C1orf21: variants seen among roughly 807,000 people sequenced by gnomAD.
C1orf21 encodes the protein chromosome 1 open reading frame 21.
Under a neutral mutation model 18.7 loss-of-function variants are expected in C1orf21, and 3 were observed. The ratio of observed to expected loss-of-function variants is 0.16; its 90% confidence interval spans 0.07 to 0.42. The LOEUF (loss-of-function observed/expected upper bound fraction) is 0.42. Among genes scored for constraint, C1orf21 ranks in the 10% least tolerant of loss-of-function variants. The pLI, the probability that C1orf21 is intolerant of heterozygous loss-of-function variation, is 0.99. For synonymous variants in C1orf21, 41 were observed against 46.4 expected, an observed-to-expected ratio of 0.88 and a Z score of 0.47; for missense variants, 104 against 143.6, an observed-to-expected ratio of 0.72 and a Z score of 1.41.
chr1:184,516,498 A>G (rs1658230669), intron 3 of C1orf21, among the ~76,000 whole-genome samples: 1 of 152,174 alleles, frequency 6.6e-6, no homozygotes, highest in Non-Finnish European at 1.5e-5. Flanking sequence ...GACATACCCA[A>G]TACTGGGCAA....
At chr1:184,608,807 A>G (rs1357717617) in intron 5 of C1orf21, among the ~76,000 whole-genome samples, 1 of 152,174 alleles carries the variant, frequency 6.6e-6, no homozygotes, top group Non-Finnish European at 1.5e-5. Flanking sequence ...TCTGGGGTGC[A>G]TGCAGGTTGG....
At chr1:184,466,872 G>C (rs1409745498) in intron 1 of C1orf21, among the ~76,000 whole-genome samples, 2 of 151,980 alleles carry the variant, frequency 1.3e-5, no homozygotes, top group African/African-American at 4.8e-5. Context: ...GAATGTTGAG[G>C]ACTAAGCAGG....
intron 5 of C1orf21, among the ~76,000 whole-genome samples, chr1:184,604,722 C>G (rs1304740502): frequency 6.6e-6 from 1 of 152,124 alleles, no homozygotes; most frequent in Non-Finnish European, 1.5e-5. Flanking sequence ...GTGTAGGAAC[C>G]ACTGGTGAAG....
At position 184,627,889 on chromosome 1, in the gene C1orf21, G is replaced by A. The variant is rs1660043743; in HGVS notation, c.*8333G>A. The A allele has an allele frequency of 6.6e-6, 1 of 152,198 alleles. No homozygotes were observed. Among genetic ancestry groups the A allele is most frequent in the South Asian group, 2.1e-4 (1 of 4,830 alleles). The allele number at this position is 152,198 out of a possible 1,614,324, so 9.4% of individuals were successfully genotyped here. ...CCAAGTTTACCTCTCCCCATTTTCT[G>A]CCCTGGCCCACTTCCCACTCACCTC... is the stretch of plus-strand genomic sequence containing the variant. On this transcript the variant is annotated 3_prime_UTR_variant, in exon 6 of 6. Transcript: ENST00000235307.
chr1:184,607,680 T>TAC (rs1176326011), intron 5 of C1orf21, among the ~76,000 whole-genome samples: 1 of 150,946 alleles, frequency 6.6e-6, no homozygotes, highest in Non-Finnish European at 1.5e-5. Flanking sequence ...TGTATATATA[T>TAC]ACATATATGT....
intron 1 of C1orf21, among the ~76,000 whole-genome samples, chr1:184,444,515 C>T (rs1656999158): frequency 6.6e-6 from 1 of 152,080 alleles, no homozygotes; most frequent in Non-Finnish European, 1.5e-5. Flanking sequence ...CCTCCCCAGC[C>T]ATGTGGAACT....
chr1:184,604,164 C>A (rs1170348229), intron 5 of C1orf21, among the ~76,000 whole-genome samples: 1 of 152,104 alleles, frequency 6.6e-6, no homozygotes, highest in Non-Finnish European at 1.5e-5. Flanking sequence ...GTTACAGAAC[C>A]AAATATAATT....
chr1:184,601,346 C>G (rs1005830136), intron 5 of C1orf21, among the ~76,000 whole-genome samples: 1 of 152,292 alleles, frequency 6.6e-6, no homozygotes, highest in African/African-American at 2.4e-5. Context: ...ACCTTCTAAC[C>G]TAATTTGTTA....
intron 1 of C1orf21, among the ~76,000 whole-genome samples, chr1:184,419,308 A>G (rs1656509140): frequency 6.6e-6 from 1 of 152,234 alleles, no homozygotes; most frequent in Non-Finnish European, 1.5e-5. Context: ...AATTTTCACT[A>G]AACGGTGGCA....
chr1:184,451,217 C>T (rs1033106791), intron 1 of C1orf21, among the ~76,000 whole-genome samples: 1 of 152,028 alleles, frequency 6.6e-6, no homozygotes, highest in Non-Finnish European at 1.5e-5. Context: ...TTTAAATGGA[C>T]CATATAAAAA....
chr1:184,602,245 G>A (rs1157800160), intron 5 of C1orf21, among the ~76,000 whole-genome samples: 2 of 152,114 alleles, frequency 1.3e-5, no homozygotes, highest in Non-Finnish European at 2.9e-5. Context: ...CAGGGATTTG[G>A]GACTTGGTAC....
intron 3 of C1orf21, among the ~76,000 whole-genome samples, chr1:184,524,708 T>A (rs1302897789): frequency 1.3e-5 from 2 of 152,066 alleles, no homozygotes; most frequent in Admixed American, 1.3e-4. Context: ...AGCTGGACAG[T>A]ATAGCTTCAC....
intron 3 of C1orf21, 114 bp downstream of exon 3, chr1:184,507,796 C>G: frequency 1.2e-6 from 1 of 826,686 alleles, no homozygotes; most frequent in Non-Finnish European, 1.8e-6. Flanking sequence ...CTTGAAAATG[C>G]TGCAGCTATT....
intron 4 of C1orf21, among the ~76,000 whole-genome samples, chr1:184,597,278 T>G (rs1010426964): frequency 2.6e-5 from 4 of 152,218 alleles, no homozygotes; most frequent in African/African-American, 9.6e-5. Context: ...TGTACATTGT[T>G]TTCCTTTGAT....
chr1:184,474,645 G>A (rs1657543930), intron 1 of C1orf21, among the ~76,000 whole-genome samples: 2 of 152,092 alleles, frequency 1.3e-5, no homozygotes, highest in South Asian at 4.1e-4. Context: ...AAAAGCAAGA[G>A]GACTCTCAAA....
intron 1 of C1orf21, among the ~76,000 whole-genome samples, chr1:184,473,573 C>T (rs760608475): frequency 2.0e-5 from 3 of 152,156 alleles, no homozygotes; most frequent in Admixed American, 6.5e-5. Context: ...TGAAGGTCTG[C>T]TCAGTGTGAG....
At position 184,623,749 on chromosome 1, in the gene C1orf21, G is replaced by A. The variant is rs890112994; in HGVS notation, c.*4193G>A. The A allele has an allele frequency of 2.6e-5, 4 of 152,626 alleles. No individual in the cohort carries two copies. Among genetic ancestry groups the A allele is most frequent in the African/African-American group, 7.2e-5 (3 of 41,446 alleles). 9.5% of individuals were successfully genotyped at this position (152,626 alleles called of 1,614,324 possible). ...GAATGGATGTATTTTTCCAAGGGGGGAATAGTATCCTTGACTTTGGCAGTC... is the reference window on the plus strand; with the variant it reads ...GAATGGATGTATTTTTCCAAGGGGGAAATAGTATCCTTGACTTTGGCAGTC... On this transcript the variant is annotated 3_prime_UTR_variant, in exon 6 of 6. Coordinates refer to ENST00000235307, the MANE Select transcript of C1orf21 (RefSeq NM_030806.4).
At chr1:184,392,167 C>G (rs1483848872) in intron 1 of C1orf21, among the ~76,000 whole-genome samples, 1 of 152,130 alleles carries the variant, frequency 6.6e-6, no homozygotes, top group East Asian at 1.9e-4. Context: ...TATAGTGTGC[C>G]TTATGGTTTT....
intron 3 of C1orf21, among the ~76,000 whole-genome samples, chr1:184,553,906 C>T (rs975883148): frequency 5.3e-5 from 8 of 152,170 alleles, no homozygotes; most frequent in African/African-American, 1.9e-4. Flanking sequence ...ACATCTTGCT[C>T]AACTGATTTT....
Sources: allele counts gnomAD v4.1 joint callset (sites outside exome capture counted in the v4.1 genomes callset), GRCh38; gene constraint gnomAD v4.1.1; transcripts MANE v1.5; gene names NCBI Gene and HGNC (gene_info 2026-07-23, HGNC 2026-07-21).